Variants in DNAH14 observed in about 807,000 individuals in gnomAD.
DNAH14 encodes axonemal beta dynein heavy chain 14.
In DNAH14, 478 loss-of-function variants were observed where a neutral mutation model predicts 520.9. That is an observed-to-expected ratio of 0.92 (90% CI 0.85 to 0.99). The LOEUF (loss-of-function observed/expected upper bound fraction) is 0.99. Ranked by LOEUF, DNAH14 falls within the 50% of genes least tolerant of loss-of-function variation. The pLI is 0.00. For synonymous variants in DNAH14, 1,581 were observed against 1,757.2 expected (o/e 0.90, Z 2.51); for missense variants, 4,831 against 5,234.5 (o/e 0.92, Z 2.38).
intron 77 of DNAH14, among the ~76,000 whole-genome samples, chr1:225,371,432 A>G (rs1488912559): frequency 6.6e-6 from 1 of 152,162 alleles, no homozygotes; most frequent in African/African-American, 2.4e-5. Context: ...AACCACTTAA[A>G]TATGAAAAAG....
intron 84 of DNAH14, among the ~76,000 whole-genome samples, chr1:225,393,814 GTT>G (rs1354333069): frequency 7.0e-6 from 1 of 143,120 alleles, no homozygotes; most frequent in African/African-American, 2.7e-5. Context: ...ATCTTTTTTT[GTT>G]TTTTTTTTGT....
At chr1:225,070,289 TGTG>T (rs532185469) in intron 17 of DNAH14, among the ~76,000 whole-genome samples, 171 of 152,288 alleles carry the variant, frequency 1.1e-3, no homozygotes, top group African/African-American at 4.0e-3. Flanking sequence ...GTCTTTTAGT[TGTG>T]ATGTTAGGTT....
At chr1:225,263,034 C>A (rs1318948132) in intron 46 of DNAH14, among the ~76,000 whole-genome samples, 1 of 151,370 alleles carries the variant, frequency 6.6e-6, no homozygotes, top group Admixed American at 6.6e-5. Flanking sequence ...ATAAATCTAC[C>A]TTATGCAAAT....
chr1:225,167,831 A>G (rs781483438), intron 35 of DNAH14, 108 bp from the exon 36 acceptor site: 27 of 558,414 alleles, frequency 4.8e-5, no homozygotes, highest in Non-Finnish European at 7.2e-5. Context: ...AAGAATTACT[A>G]TCTTAAAGAG....
Position 225,266,726 on chromosome 1 carries a change from T to A in DNAH14, c.7496T>A (p.Leu2499Ter). Reference protein sequence around the residue: ...QPPLELIRQLLDLGGVYDTEK... With the variant: ...QPPLELIRQL The stretch of plus-strand genomic sequence containing the variant: ...CCCCTGGAATTGATAAGACAATTGT[T>A]AGATTTGGGAGGAGTTTATGATACT... The change falls in exon 49 of 86, where the codon TTA becomes TAA. Residue 2499 changes from leucine (L) to a stop codon, truncating the protein, a stop_gained. Transcript: ENST00000682510. LOFTEE classifies it high-confidence loss of function. 1 of 1,528,078 alleles carries A rather than the reference T, an allele frequency of 6.5e-7. No homozygotes were observed. The highest frequency in any genetic ancestry group is 8.8e-7 in the Non-Finnish European group (1 of 1,140,820). 94.7% of individuals were successfully genotyped at this position (1,528,078 alleles called of 1,614,324 possible).
intron 54 of DNAH14, among the ~76,000 whole-genome samples, chr1:225,289,038 T>C (rs2093808268): frequency 1.3e-5 from 2 of 152,128 alleles, no homozygotes; most frequent in South Asian, 4.1e-4. Flanking sequence ...TTATTCATAA[T>C]CAAGAAGTAG....
At chr1:225,082,226 A>G (rs1158806984) in intron 19 of DNAH14, among the ~76,000 whole-genome samples, 1 of 139,182 alleles carries the variant, frequency 7.2e-6, no homozygotes, top group African/African-American at 2.5e-5. Flanking sequence ...ATTTGTCTGT[A>G]TATTTATCAT....
chr1:225,238,935 C>T (rs2091791996), intron 42 of DNAH14, among the ~76,000 whole-genome samples: 1 of 152,140 alleles, frequency 6.6e-6, no homozygotes, highest in African/African-American at 2.4e-5. Context: ...TGTGGGGAAC[C>T]CCTCCTTGTC....
intron 42 of DNAH14, among the ~76,000 whole-genome samples, chr1:225,237,902 A>G (rs746854827): frequency 6.6e-6 from 1 of 152,146 alleles, no homozygotes; most frequent in African/African-American, 2.4e-5. Context: ...CACTTGGTCT[A>G]TTCTGCTATT....
In DNAH14 at chr1:225,346,625, A is replaced by G. The variant is rs1471949448; in HGVS notation, c.11267A>G (p.Lys3756Arg). Residue 3756 changes from lysine (K) to arginine (R), a missense_variant, in exon 71 of 86, where the codon AAA becomes AGA. By Grantham distance (26) the Lys-to-Arg change is conservative. Coordinates refer to ENST00000682510, the MANE Select transcript of DNAH14 (RefSeq NM_001367479.1). ...FLYSGILINIKSALSQSRLTS... is the reference protein window; with the variant it reads ...FLYSGILINIRSALSQSRLTS... ...TATTCTGGCATATTGATAAATATTAAAAGTGCATTATCCCAGTCTAGACTT... is the reference window on the plus strand; with the variant it reads ...TATTCTGGCATATTGATAAATATTAGAAGTGCATTATCCCAGTCTAGACTT... 4 of 1,548,806 alleles carry G rather than the reference A, an allele frequency of 2.6e-6. No individual in the cohort carries two copies. The highest frequency in any genetic ancestry group is 2.0e-5 in the Admixed American group (1 of 50,810).
At chr1:225,172,262 G>A (rs549218577) in intron 36 of DNAH14, among the ~76,000 whole-genome samples, 1 of 152,272 alleles carries the variant, frequency 6.6e-6, no homozygotes, top group Non-Finnish European at 1.5e-5. Context: ...GTTCTGGCCA[G>A]GATAATCAGG....
chr1:225,307,361 T>G, intron 58 of DNAH14, 100 bp from the exon 59 acceptor site: 1 of 814,240 alleles, frequency 1.2e-6, no homozygotes, highest in Non-Finnish European at 1.9e-6. Context: ...ATAAAATCCA[T>G]TTGGCCATAA....
chr1:225,396,353 C>A (rs970661756), intron 84 of DNAH14: 1 of 152,238 alleles, frequency 6.6e-6, no homozygotes, highest in African/African-American at 2.4e-5. Flanking sequence ...GGCACTGATG[C>A]TTGCTAGCCA....
At chr1:225,007,301 G>A (rs541377882) in intron 9 of DNAH14, 112 bp from the exon 10 acceptor site, 1 of 897,616 alleles carries the variant, frequency 1.1e-6, no homozygotes, top group South Asian at 3.1e-5. Context: ...ATATACAGAA[G>A]AAAATGTAAA....
intron 37 of DNAH14, among the ~76,000 whole-genome samples, chr1:225,186,338 T>C (rs2084730805): frequency 6.6e-6 from 1 of 151,810 alleles, no homozygotes; most frequent in Non-Finnish European, 1.5e-5. Flanking sequence ...AATTAGTTCT[T>C]ACACAGTTAT....
At chr1:225,099,303 C>G (rs1229452032) in intron 22 of DNAH14, among the ~76,000 whole-genome samples, 2 of 152,000 alleles carry the variant, frequency 1.3e-5, no homozygotes, top group Admixed American at 1.3e-4. Context: ...TAGCGCTTGC[C>G]TCTTCTCTGG....
intron 25 of DNAH14, among the ~76,000 whole-genome samples, chr1:225,118,754 G>T (rs1410002381): frequency 6.6e-6 from 1 of 151,820 alleles, no homozygotes; most frequent in Admixed American, 6.6e-5. Flanking sequence ...GTGGTGGCAG[G>T]CACCTGTAAT....
intron 38 of DNAH14, among the ~76,000 whole-genome samples, chr1:225,201,873 C>CTTT (rs35342713): frequency 0.14 from 16,553 of 122,280 alleles, 1,622 homozygotes; most frequent in East Asian, 0.22. Flanking sequence ...TTCTTTCTTC[C>CTTT]TTTTTTTTTT....
intron 73 of DNAH14, among the ~76,000 whole-genome samples, chr1:225,355,753 T>A (rs2095422802): frequency 6.6e-6 from 1 of 152,202 alleles, no homozygotes; most frequent in Non-Finnish European, 1.5e-5. Flanking sequence ...CATTTAATCT[T>A]CATAATAATC....
Sources: allele counts gnomAD v4.1 joint callset (sites outside exome capture counted in the v4.1 genomes callset), GRCh38; gene constraint gnomAD v4.1.1; transcripts MANE v1.5; gene names NCBI Gene and HGNC (gene_info 2026-07-23, HGNC 2026-07-21).